DGCR8: variants seen among roughly 807,000 people sequenced by gnomAD.
DGCR8 encodes the protein DGCR8 microprocessor complex subunit, also known as microprocessor complex subunit DGCR8.
A neutral mutation model predicts 78.5 loss-of-function variants in DGCR8; 14 were observed. That is an observed-to-expected ratio of 0.18 (90% CI 0.12 to 0.28). The LOEUF is 0.28. Ranked by LOEUF, DGCR8 falls within the 10% of genes least tolerant of loss-of-function variation. The pLI is 1.00. For missense variants in DGCR8, 702 were observed against 1,022.5 expected, an observed-to-expected ratio of 0.69 and a Z score of 4.28; for synonymous variants, 399 against 402.4, an observed-to-expected ratio of 0.99 and a Z score of 0.10.
chr22:20,093,302 G>T (rs1482414289), intron 8 of DGCR8, among the ~76,000 whole-genome samples: 1 of 152,128 alleles, frequency 6.6e-6, no homozygotes, highest in African/African-American at 2.4e-5. Flanking sequence ...CTACTCGGGA[G>T]GCTGAGGCAG....
chr22:20,109,945 G>T, intron 13 of DGCR8, 80 bp from the exon 14 acceptor site: 1 of 1,383,898 alleles, frequency 7.2e-7, no homozygotes, highest in South Asian at 1.2e-5. Flanking sequence ...GATCTGCTGG[G>T]CTCTCCCTCC....
In DGCR8 at chr22:20,110,423, TG is replaced by T; in HGVS notation, c.*316del. ...GTGCACCTGCTGCAGGCTCTTTTTATGAAGGCTTTCATGAATTTTAGTATGT... is the reference window on the plus strand; with the variant it reads ...GTGCACCTGCTGCAGGCTCTTTTTATAAGGCTTTCATGAATTTTAGTATGT... On this transcript the variant is annotated 3_prime_UTR_variant, in exon 14 of 14. Transcript: ENST00000351989. The T allele has an allele frequency of 3.0e-6, 1 of 334,108 alleles. No individual in the cohort carries two copies. 20.7% of individuals were successfully genotyped at this position (334,108 alleles called of 1,614,324 possible).
chr22:20,091,499 A>T lies in DGCR8; in HGVS notation c.1371A>T (p.Lys457Asn). The T allele has an allele frequency of 6.2e-7, 1 of 1,614,246 alleles. No homozygotes were observed. The highest frequency in any genetic ancestry group is 8.5e-7 in the Non-Finnish European group (1 of 1,180,046). ...ACTTTGAGCAAGTTACTGTGAAAAA[A>T]TTCAGGACTTGGGCTGAGCGGCGGC... ...RFDFEQVTVK[K>N]FRTWAERRQF... Residue 457 changes from lysine (K) to asparagine (N), a missense_variant, in exon 6 of 14, where the codon AAA (lysine) becomes AAT (asparagine). Lys to Asn is a moderately conservative substitution (Grantham distance 94). Transcript: ENST00000351989.
chr22:20,084,972 A>G, intron 1 of DGCR8: 1 of 985,180 alleles, frequency 1.0e-6, no homozygotes, highest in Non-Finnish European at 1.2e-6. Context: ...TGCAGGTGGC[A>G]CCCAGGCCTC....
At chr22:20,088,922 A>G (rs771714108) in intron 3 of DGCR8, among the ~76,000 whole-genome samples, 3 of 152,212 alleles carry the variant, frequency 2.0e-5, no homozygotes, top group South Asian at 2.1e-4. Flanking sequence ...AGCCAGGACT[A>G]TAGGTGTATG....
At chr22:20,083,455 G>A (rs2049439839) in intron 1 of DGCR8, among the ~76,000 whole-genome samples, 1 of 151,720 alleles carries the variant, frequency 6.6e-6, no homozygotes, top group Non-Finnish European at 1.5e-5. Flanking sequence ...CTGGGGCTGG[G>A]CAGGTTTCCT....
chr22:20,091,673 C>G (rs1428325928), intron 6 of DGCR8, 41 bp downstream of exon 6: 1 of 1,602,438 alleles, frequency 6.2e-7, no homozygotes, highest in Non-Finnish European at 8.5e-7. Context: ...ACTGGTTATG[C>G]TGTTATTTCT....
rs949832409 is a variant in DGCR8 at position 20,111,640 on chromosome 22, C to T, written c.*1532C>T. 20 of 332,462 alleles carry T rather than the reference C, an allele frequency of 6.0e-5. No individual in the cohort carries two copies. The highest frequency in any genetic ancestry group is 1.0e-4 in the Non-Finnish European group (19 of 183,288). 20.6% of individuals were successfully genotyped at this position (332,462 alleles called of 1,614,324 possible). ...TGTTCCCCTAAAGGTTGGGGAGCCTCGCTGTGTCTTGCTGTTCCCAGGCAC... is the reference window on the plus strand; with the variant it reads ...TGTTCCCCTAAAGGTTGGGGAGCCTTGCTGTGTCTTGCTGTTCCCAGGCAC... On this transcript the variant is annotated 3_prime_UTR_variant, in exon 14 of 14. Coordinates refer to ENST00000351989, the MANE Select transcript of DGCR8 (RefSeq NM_022720.7).
chr22:20,101,506 A>T, intron 9 of DGCR8: 1 of 876,756 alleles, frequency 1.1e-6, no homozygotes, highest in Non-Finnish European at 1.4e-6. Flanking sequence ...TGAACCCAGG[A>T]GGCGGAGCTT....
rs752158008 is a variant in DGCR8 at position 20,089,700 on chromosome 22, C to G, written c.912C>G (p.Pro304=). The change falls in exon 4 of 14, where the codon CCC becomes CCG. Residue 304 remains proline (P), a synonymous_variant. Coordinates refer to ENST00000351989, the MANE Select transcript of DGCR8 (RefSeq NM_022720.7). This position sits in a 1 kb window ranked among gnomAD's most constrained non-coding sequence, Gnocchi z 4.9. The stretch of plus-strand genomic sequence containing the variant: ...GCCGCCCACCTACAGAGCCGCTGCC[C>G]GACGGGTGGATCATGACATTCCATA... ...SRGRPPTEPL[P]DGWIMTFHNS... 27 of 1,613,698 alleles carry G rather than the reference C, an allele frequency of 1.7e-5. No homozygotes were observed. Among genetic ancestry groups the G allele is most frequent in the Non-Finnish European group, 2.1e-5 (25 of 1,180,010 alleles).
intron 13 of DGCR8, among the ~76,000 whole-genome samples, chr22:20,109,477 G>A (rs1284456400): frequency 1.3e-5 from 2 of 152,196 alleles, no homozygotes; most frequent in Non-Finnish European, 2.9e-5. Context: ...TTCTGGGTGG[G>A]AGCTTTCTTA....
At chr22:20,108,545 C>T (rs117487882) in intron 12 of DGCR8, 2 of 267,144 alleles carry the variant, frequency 7.5e-6, no homozygotes, top group African/African-American at 2.2e-5. Context: ...TTCTTACTGG[C>T]TATGGCCACA....
intron 3 of DGCR8, among the ~76,000 whole-genome samples, chr22:20,088,334 A>G (rs564238726): frequency 6.6e-6 from 1 of 152,202 alleles, no homozygotes; most frequent in East Asian, 1.9e-4. Flanking sequence ...CTGCATTTTC[A>G]ACAGGCTCAT....
rs1450342156 is a variant in DGCR8, at chr22:20,086,760, A to G, written c.720+77A>G. 6.9e-7 allele frequency: 1 copy of G among 1,455,214 alleles called. No individual in the cohort carries two copies. Among genetic ancestry groups the G allele is most frequent in the Non-Finnish European group, 9.1e-7 (1 of 1,095,842 alleles). 90.1% of individuals were successfully genotyped at this position (1,455,214 alleles called of 1,614,324 possible). A position where few individuals can be genotyped will look rare whatever the true frequency, so the allele number is the denominator to read the frequency against. The stretch of plus-strand genomic sequence containing the variant: ...ATTTGGGAATTGCAGCATCTTTTGA[A>G]AGCAGGGAAATTAAAAAAAAAAAAA... On this transcript the variant is annotated intron_variant, in intron 2 of 13. Coordinates refer to ENST00000351989, the MANE Select transcript of DGCR8 (RefSeq NM_022720.7). This position sits in a 1 kb window ranked among gnomAD's most constrained non-coding sequence, Gnocchi z 6.4.
At chr22:20,108,846 A>C (rs1473612292) in intron 12 of DGCR8, 44 bp from the exon 13 acceptor site, 2 of 1,052,406 alleles carry the variant, frequency 1.9e-6, no homozygotes, top group African/African-American at 1.6e-5. Flanking sequence ...CAGGCCGTAG[A>C]GCTACAGCCT....
At chr22:20,108,869 G>A (rs763557831) in intron 12 of DGCR8, 21 bp from the exon 13 acceptor site, 27 of 1,297,340 alleles carry the variant, frequency 2.1e-5, no homozygotes, top group Admixed American at 3.4e-5. Context: ...AGTCCTGAGC[G>A]TGAGGTGCTA....
intron 9 of DGCR8, among the ~76,000 whole-genome samples, chr22:20,105,491 T>A (rs1014518325): frequency 6.6e-6 from 1 of 152,252 alleles, no homozygotes; most frequent in East Asian, 1.9e-4. Flanking sequence ...AAAGTCCTAG[T>A]CTGGGAAGGC....
Position 20,110,382 on chromosome 22 carries a change from G to C in DGCR8, c.*274G>C. On this transcript the variant is annotated 3_prime_UTR_variant, in exon 14 of 14. Coordinates refer to ENST00000351989, the MANE Select transcript of DGCR8 (RefSeq NM_022720.7). Reference sequence around the variant, plus strand: ...GTGGCAGCTGGTGACTGTGGACAGTGGTGGACCCTGCTTCTGTGCACCTGC... The same window carrying C: ...GTGGCAGCTGGTGACTGTGGACAGTCGTGGACCCTGCTTCTGTGCACCTGC... 1 of 449,016 alleles carries C rather than the reference G, an allele frequency of 2.2e-6. No homozygotes were observed. The allele number at this position is 449,016 out of a possible 1,614,324, so 27.8% of individuals were successfully genotyped here. A position where few individuals can be genotyped will look rare whatever the true frequency, so the allele number is the denominator to read the frequency against.
Position 20,086,404 on chromosome 22 carries a change from G to C in DGCR8, c.441G>C (p.Glu147Asp). 1 of 1,614,032 alleles carries C rather than the reference G, an allele frequency of 6.2e-7. No homozygotes were observed. Among genetic ancestry groups the C allele is most frequent in the Non-Finnish European group, 8.5e-7 (1 of 1,180,014 alleles). ...YTGAERDVRA[E>D]CGLLLSPVSG... ...GAGCAGAGCGCGACGTGCGGGCGGA[G>C]TGCGGTCTGCTCCTTAGCCCTGTCA... The change falls in exon 2 of 14, where the codon GAG becomes GAC. Residue 147 changes from glutamate to aspartate, a missense_variant. Around this residue, in one of 4 missense-constraint regions of DGCR8, gnomAD observed 356 missense variants for 448.9 expected, o/e 0.79. Transcript: ENST00000351989. This position sits in a 1 kb window ranked among gnomAD's most constrained non-coding sequence, Gnocchi z 6.4.
Sources: allele counts gnomAD v4.1 joint callset (sites outside exome capture counted in the v4.1 genomes callset), GRCh38; gene constraint gnomAD v4.1.1; regional missense constraint gnomAD v4.1.1; non-coding constraint Gnocchi (gnomAD v3.1); transcripts MANE v1.5; gene names NCBI Gene and HGNC (gene_info 2026-07-23, HGNC 2026-07-21).